ITCH: variants seen among roughly 807,000 people sequenced by gnomAD.
The protein encoded by ITCH is itchy E3 ubiquitin protein ligase.
ITCH carries 28 observed loss-of-function variants against 126.8 expected under a neutral mutation model. That is an observed-to-expected ratio of 0.22 (90% CI 0.16 to 0.30). The LOEUF (loss-of-function observed/expected upper bound fraction) is 0.30, where lower values mean the gene tolerates loss of function less well. Among genes scored for constraint, ITCH ranks in the 10% least tolerant of loss-of-function variants. The pLI is 1.00. For missense variants in ITCH, 631 were observed against 1,032.4 expected, an observed-to-expected ratio of 0.61 and a Z score of 5.33; for synonymous variants, 342 against 340.0, an observed-to-expected ratio of 1.01 and a Z score of -0.06.
chr20:34,468,179 C>CGTA (rs924153196), intron 14 of ITCH, among the ~76,000 whole-genome samples: 17 of 151,558 alleles, frequency 1.1e-4, no homozygotes, highest in Admixed American at 2.0e-4. Context: ...GGACTACAGA[C>CGTA]GCCCGCCACC....
At chr20:34,478,648 G>T (rs953327104) in intron 17 of ITCH, among the ~76,000 whole-genome samples, 14 of 152,240 alleles carry the variant, frequency 9.2e-5, no homozygotes, top group African/African-American at 3.1e-4. Context: ...GTGAAGAGTA[G>T]AAATATTGTT....
At chr20:34,404,202 A>G (rs1321397662) in intron 3 of ITCH, among the ~76,000 whole-genome samples, 1 of 152,022 alleles carries the variant, frequency 6.6e-6, no homozygotes, top group Non-Finnish European at 1.5e-5. Context: ...CCGGTTTATA[A>G]TGTATAGTTT....
chr20:34,415,860 A>C (rs1979757096), intron 6 of ITCH, among the ~76,000 whole-genome samples: 1 of 152,164 alleles, frequency 6.6e-6, no homozygotes, highest in Non-Finnish European at 1.5e-5. Flanking sequence ...GCGGTGGCTC[A>C]CGCCTGTAAT....
At chr20:34,368,156 G>C (rs2037487490) in intron 1 of ITCH, among the ~76,000 whole-genome samples, 1 of 152,024 alleles carries the variant, frequency 6.6e-6, no homozygotes, top group South Asian at 2.1e-4. Flanking sequence ...TGTAGTACCA[G>C]CTACTTGGGA....
At position 34,439,642 on chromosome 20, in the gene ITCH, C is replaced by A. The variant is rs146437356; in HGVS notation, c.680-513C>A. On this transcript the variant is annotated intron_variant, in intron 8 of 24. Transcript: ENST00000374864. ...GTCTTTAAGATGTCTTTATTATAAT[C>A]TTGGTGACTTCCTCTAGACATTGTT... Among the ~76,000 whole-genome samples, 35 of 152,256 alleles carry A rather than the reference C, an allele frequency of 2.3e-4. No homozygotes were observed. In the East Asian group the frequency reaches 6.2e-3, roughly 27 times the overall value.
chr20:34,488,051 T>C (rs1053929193), intron 20 of ITCH, among the ~76,000 whole-genome samples: 17 of 152,248 alleles, frequency 1.1e-4, no homozygotes, highest in African/African-American at 3.6e-4. Context: ...AATACTTTGT[T>C]ACTGTTATTC....
At chr20:34,406,442 T>G (rs192879146) in intron 3 of ITCH, among the ~76,000 whole-genome samples, 2 of 152,280 alleles carry the variant, frequency 1.3e-5, no homozygotes, top group Admixed American at 6.5e-5. Flanking sequence ...ATGGAAGTAT[T>G]TGATATATGT....
intron 24 of ITCH, 38 bp from the exon 25 acceptor site, chr20:34,507,657 A>G: frequency 6.7e-7 from 1 of 1,493,450 alleles, no homozygotes; most frequent in South Asian, 1.1e-5. Context: ...GATTCTTTGC[A>G]TATTTCCTTT....
At chr20:34,419,052 C>T (rs944804711) in intron 6 of ITCH, among the ~76,000 whole-genome samples, 3 of 152,080 alleles carry the variant, frequency 2.0e-5, no homozygotes, top group East Asian at 1.9e-4. Flanking sequence ...CATGAGCCAC[C>T]GCGCCCAGCT....
chr20:34,414,921 C>A (rs1294987203), intron 6 of ITCH, among the ~76,000 whole-genome samples: 1 of 152,208 alleles, frequency 6.6e-6, no homozygotes, highest in Non-Finnish European at 1.5e-5. Context: ...GTAAATCTTA[C>A]AATCTCTGAT....
intron 4 of ITCH, among the ~76,000 whole-genome samples, chr20:34,409,525 A>G (rs1978683244): frequency 6.6e-6 from 1 of 152,116 alleles, no homozygotes; most frequent in South Asian, 2.1e-4. Context: ...ACTACTATAC[A>G]TTTTATTCTA....
At chr20:34,418,952 A>C (rs148030707) in intron 6 of ITCH, among the ~76,000 whole-genome samples, 1 of 151,730 alleles carries the variant, frequency 6.6e-6, no homozygotes, top group Non-Finnish European at 1.5e-5. Flanking sequence ...GTACAGGTGA[A>C]GTTTCTCCAT....
At chr20:34,396,120 G>A (rs1446498483) in intron 3 of ITCH, among the ~76,000 whole-genome samples, 3 of 146,194 alleles carry the variant, frequency 2.1e-5, no homozygotes, top group East Asian at 2.0e-4. Flanking sequence ...TGCAACCTCC[G>A]CCTCCCGGGT....
At chr20:34,417,071 G>T in intron 6 of ITCH, 1 of 605,888 alleles carries the variant, frequency 1.7e-6, no homozygotes, top group Non-Finnish European at 3.1e-6. Flanking sequence ...CACCACACCT[G>T]GCTAATTTTA....
chr20:34,457,107 C>T (rs1245348411), intron 12 of ITCH, among the ~76,000 whole-genome samples: 1 of 151,980 alleles, frequency 6.6e-6, no homozygotes, highest in African/African-American at 2.4e-5. Flanking sequence ...AATAACTGTT[C>T]ATTATTCTTG....
At chr20:34,448,757 C>T (rs553180236) in intron 11 of ITCH, among the ~76,000 whole-genome samples, 12 of 152,272 alleles carry the variant, frequency 7.9e-5, no homozygotes, top group Non-Finnish European at 1.5e-4. Context: ...TACACAGAGT[C>T]GGTGTGACTT....
chr20:34,429,263 T>C (rs1981964731), intron 7 of ITCH, among the ~76,000 whole-genome samples: 2 of 152,206 alleles, frequency 1.3e-5, no homozygotes, highest in African/African-American at 2.4e-5. Flanking sequence ...TCAAAGCCAA[T>C]TGGTGGTGTT....
Position 34,475,016 on chromosome 20 carries a change from C to T in ITCH, c.1570-2756C>T, listed in dbSNP as rs540785407. 1.0e-4 allele frequency among the ~76,000 whole-genome samples: 15 copies of T among 147,710 alleles called. No homozygotes were observed. The East Asian group carries it at 1.4e-3, about 14-fold the overall frequency. On this transcript the variant is annotated intron_variant, in intron 16 of 24. Transcript: ENST00000374864. ...GCAGAGGCGCTCCTCACATCCCAGA[C>T]GGGGCGGCGGGGCAGAGGCGCTCCC...
intron 4 of ITCH, 82 bp downstream of exon 4, chr20:34,408,874 T>C (rs1325876795): frequency 1.4e-6 from 2 of 1,433,786 alleles, no homozygotes; most frequent in South Asian, 1.3e-5. Flanking sequence ...TTTCTCACTT[T>C]GGTTTTTTGT....
Sources: allele counts gnomAD v4.1 joint callset (sites outside exome capture counted in the v4.1 genomes callset), GRCh38; gene constraint gnomAD v4.1.1; transcripts MANE v1.5; gene names NCBI Gene and HGNC (gene_info 2026-07-23, HGNC 2026-07-21).